Variants in MAP2 observed in about 807,000 individuals in gnomAD.
The protein encoded by MAP2 is microtubule associated protein 2, also known as microtubule-associated protein 2.
A neutral mutation model predicts 137.6 loss-of-function variants in MAP2; 14 were observed. That is an observed-to-expected ratio of 0.10 (90% confidence interval 0.07 to 0.16). The LOEUF (loss-of-function observed/expected upper bound fraction) is 0.16. MAP2 is among the 10% of genes least tolerant of loss of function. The probability of loss-of-function intolerance (pLI) is 1.00; values close to 1 mark genes in which losing one functional copy is unlikely to be tolerated. For missense variants in MAP2, 2,088 were observed against 2,191.5 expected, an observed-to-expected ratio of 0.95 and a Z score of 0.94; for synonymous variants, 786 against 782.3, an observed-to-expected ratio of 1.00 and a Z score of -0.08.
At chr2:209,471,248 G>A (rs1416734693) in intron 1 of MAP2, among the ~76,000 whole-genome samples, 2 of 152,118 alleles carry the variant, frequency 1.3e-5, no homozygotes, top group Admixed American at 6.5e-5. Context: ...TCCTACACAG[G>A]AAGGGAATCC....
intron 1 of MAP2, among the ~76,000 whole-genome samples, chr2:209,489,772 T>TC (rs1385622195): frequency 1.3e-5 from 2 of 152,110 alleles, no homozygotes; most frequent in Non-Finnish European, 2.9e-5. Flanking sequence ...GAACAAAGCC[T>TC]CCAAGAAATA....
intron 3 of MAP2, among the ~76,000 whole-genome samples, chr2:209,611,537 G>A (rs1185056150): frequency 6.6e-5 from 10 of 151,922 alleles, no homozygotes; most frequent in Non-Finnish European, 1.5e-5. Flanking sequence ...TAAATAATTG[G>A]CCACATAGAG....
At chr2:209,606,582 G>A (rs2084850194) in intron 3 of MAP2, among the ~76,000 whole-genome samples, 1 of 152,076 alleles carries the variant, frequency 6.6e-6, no homozygotes, top group South Asian at 2.1e-4. Flanking sequence ...CATTCTGTGG[G>A]CAAAGTCTAG....
chr2:209,566,574 T>G (rs942343716), intron 2 of MAP2, among the ~76,000 whole-genome samples: 1 of 152,226 alleles, frequency 6.6e-6, no homozygotes, highest in Non-Finnish European at 1.5e-5. Flanking sequence ...TTCTTCTGAT[T>G]TGAGTGTCTT....
intron 1 of MAP2, among the ~76,000 whole-genome samples, chr2:209,479,007 A>C (rs1708078743): frequency 6.6e-6 from 1 of 152,176 alleles, no homozygotes; most frequent in African/African-American, 2.4e-5. Flanking sequence ...TTATTTGTTG[A>C]GAATCAATTA....
At chr2:209,596,571 A>G (rs2081355872) in intron 3 of MAP2, among the ~76,000 whole-genome samples, 1 of 152,208 alleles carries the variant, frequency 6.6e-6, no homozygotes, top group Admixed American at 6.5e-5. Flanking sequence ...TTGGCTTTTT[A>G]TGGCCACTAT....
At position 209,542,983 on chromosome 2, in the gene MAP2, T is replaced by A. The variant is rs183599190; in HGVS notation, c.-172+35342T>A. Reference sequence around the variant, plus strand: ...TCATTTGCGTTCACAATTTGGCTGCTTGGTGAAAGAGGCCTAGCTGTTGGC... The same window carrying A: ...TCATTTGCGTTCACAATTTGGCTGCATGGTGAAAGAGGCCTAGCTGTTGGC... On this transcript the variant is annotated intron_variant, in intron 2 of 15. Transcript: ENST00000682079. Among the ~76,000 whole-genome samples, 620 of 152,350 alleles carry A rather than the reference T, an allele frequency of 4.1e-3. 4 individuals carry two copies. The highest frequency in any genetic ancestry group is 0.014 in the Middle Eastern group (4 of 294).
intron 2 of MAP2, among the ~76,000 whole-genome samples, chr2:209,562,249 A>C (rs1186458819): frequency 6.6e-6 from 1 of 152,226 alleles, no homozygotes; most frequent in Non-Finnish European, 1.5e-5. Context: ...TTTGGGATTT[A>C]TCATAATGCC....
chr2:209,656,760 C>G (rs2095175758), intron 5 of MAP2, among the ~76,000 whole-genome samples: 2 of 151,978 alleles, frequency 1.3e-5, no homozygotes, highest in Admixed American at 6.6e-5. Context: ...TTATCTTTAT[C>G]TTTGTTTTTT....
intron 1 of MAP2, among the ~76,000 whole-genome samples, chr2:209,430,760 C>T (rs1694033227): frequency 1.3e-5 from 2 of 152,190 alleles, no homozygotes; most frequent in South Asian, 2.1e-4. Flanking sequence ...ATGGAAAATG[C>T]CCTTTATCTT....
Position 209,693,663 on chromosome 2 carries a change from C to T in MAP2, c.1493C>T (p.Ser498Leu), listed in dbSNP as rs1442752399. Residue 498 changes from serine to leucine, a missense_variant, in exon 8 of 16, where the codon TCG becomes TTG. This residue lies in a region of MAP2 where 859 missense variants were observed against 794.5 expected (regional missense o/e 1.08). Coordinates refer to ENST00000682079, the MANE Select transcript of MAP2 (RefSeq NM_001375505.1). ...ACCACAGATATGTTGAAACAGGACT[C>T]GTTCCCTGTAAGTTTGGAGCAAGCA... ...EPTTDMLKQD[S>L]FPVSLEQAVT... 8.7e-6 allele frequency: 14 copies of T among 1,613,656 alleles called. No individual in the cohort carries two copies. In the East Asian group the frequency reaches 2.7e-4, roughly 31 times the overall value.
At chr2:209,639,353 C>G (rs2093825581) in intron 4 of MAP2, among the ~76,000 whole-genome samples, 1 of 152,084 alleles carries the variant, frequency 6.6e-6, no homozygotes, top group South Asian at 2.1e-4. Flanking sequence ...ATGAAACAGT[C>G]TGTTAAGTTT....
At chr2:209,490,335 A>G (rs2149971034) in intron 1 of MAP2, among the ~76,000 whole-genome samples, 1 of 152,220 alleles carries the variant, frequency 6.6e-6, no homozygotes, top group South Asian at 2.1e-4. Flanking sequence ...GCCAAATGTA[A>G]AGACCATCGA....
intron 4 of MAP2, among the ~76,000 whole-genome samples, chr2:209,640,552 C>CAAAA (rs5838177): frequency 3.7e-5 from 5 of 136,258 alleles, no homozygotes; most frequent in African/African-American, 7.6e-5. Flanking sequence ...CAAAGAAATG[C>CAAAA]AAAAAAAAAA....
chr2:209,713,983 G>A (rs2066486471), intron 13 of MAP2, among the ~76,000 whole-genome samples: 1 of 152,050 alleles, frequency 6.6e-6, no homozygotes, highest in Non-Finnish European at 1.5e-5. Context: ...CCTGAGGTCA[G>A]GAGTTCGAGA....
intron 11 of MAP2, among the ~76,000 whole-genome samples, chr2:209,702,950 T>G (rs2062198510): frequency 6.6e-6 from 1 of 152,112 alleles, no homozygotes; most frequent in Non-Finnish European, 1.5e-5. Flanking sequence ...TCTCCTTGGC[T>G]TTGTCATACT....
At chr2:209,503,539 A>G (rs1298564790) in intron 1 of MAP2, among the ~76,000 whole-genome samples, 4 of 152,024 alleles carry the variant, frequency 2.6e-5, no homozygotes, top group African/African-American at 4.8e-5. Context: ...TTATGGTTTC[A>G]GGTCTTACAT....
rs2075665003 is a variant in MAP2 at position 209,730,618 on chromosome 2, G to T, written c.*221G>T. The T allele has an allele frequency of 3.7e-6, 2 of 533,396 alleles. No homozygotes were observed. Among genetic ancestry groups the T allele is most frequent in the Non-Finnish European group, 6.7e-6 (2 of 297,818 alleles). 33.0% of individuals were successfully genotyped at this position (533,396 alleles called of 1,614,324 possible). On this transcript the variant is annotated 3_prime_UTR_variant, in exon 16 of 16. Transcript: ENST00000682079. ...ACAGGAAGACACTGGCTTTACATGG[G>T]TTCAATTGGACAATTATTTTTGCTC...
rs529528835 is a variant in MAP2, at chr2:209,709,549, G to A, written c.4733-365G>A. On this transcript the variant is annotated intron_variant, in intron 12 of 15. Transcript: ENST00000682079. ...TTCAAGGAATCTTCAGTAAATATGG[G>A]TCTGCATACGACACTAAGTGTAAAC... Among the ~76,000 whole-genome samples the A allele has an allele frequency of 3.2e-4, 49 of 152,200 alleles. No homozygotes were observed. In the South Asian group the frequency reaches 0.01, roughly 32 times the overall value.
Sources: gnomAD v4.1 joint callset for allele counts (sites outside exome capture counted in the v4.1 genomes callset) on GRCh38, gnomAD v4.1.1 for gene constraint, gnomAD v4.1.1 regional missense constraint, MANE v1.5 for transcripts, NCBI Gene and HGNC (gene_info 2026-07-23, HGNC 2026-07-21) for gene names.